Variants in CHD1L observed in about 807,000 individuals in gnomAD.
CHD1L encodes the protein ATP-dependent chromatin remodeler CHD1L.
Under a neutral mutation model 115.9 loss-of-function variants are expected in CHD1L, and 118 were observed. The observed-to-expected ratio is 1.02, with a 90% CI of 0.88 to 1.19. The LOEUF (loss-of-function observed/expected upper bound fraction) is 1.19, where lower values mean the gene tolerates loss of function less well. Ranked by LOEUF, CHD1L falls within the 50% of genes most tolerant of loss-of-function variation. The probability of loss-of-function intolerance (pLI) is 0.00; values close to 1 mark genes in which losing one functional copy is unlikely to be tolerated. For synonymous variants in CHD1L, 411 were observed against 387.1 expected (o/e 1.06, Z -0.72); for missense variants, 1,179 against 1,065.3 (o/e 1.11, Z -1.49).
At chr1:147,173,874 T>C in the CHD1L span, among the ~76,000 whole-genome samples, 7 of 152,374 alleles carry the variant, frequency 4.6e-5, no homozygotes, top group Admixed American at 3.3e-4. Context: ...ATATTCTGCA[T>C]GTACCTTATA....
At chr1:147,256,448 T>G (rs1553940505) in intron 4 of CHD1L, 83 bp from the exon 5 acceptor site, 3 of 1,237,598 alleles carry the variant, frequency 2.4e-6, no homozygotes, top group Non-Finnish European at 1.2e-6. Flanking sequence ...TCCTATAGTT[T>G]AAGAGAGTTC....
the CHD1L span, chr1:147,184,310 C>A: frequency 1.9e-6 from 1 of 530,342 alleles, no homozygotes; most frequent in Non-Finnish European, 2.9e-6. The surrounding 1 kb of genome is among the most constrained non-coding windows in gnomAD (Gnocchi z 4.4). Flanking sequence ...TCATGTACCC[C>A]ACATCCAATT....
chr1:147,215,104 T>A, the CHD1L span: 1 of 152,182 alleles, frequency 6.6e-6, no homozygotes, highest in African/African-American at 2.4e-5. Flanking sequence ...AGAAAAGTCC[T>A]AGAATACTTT....
intron 1 of CHD1L, among the ~76,000 whole-genome samples, chr1:147,245,151 G>A (rs960927426): frequency 6.6e-6 from 1 of 152,170 alleles, no homozygotes; most frequent in African/African-American, 2.4e-5. Context: ...TGACAGAAGG[G>A]CAAAAGAATC....
intron 20 of CHD1L, 103 bp downstream of exon 20, chr1:147,291,655 G>A: frequency 1.2e-6 from 1 of 849,514 alleles, no homozygotes. Flanking sequence ...GTATTAGTTT[G>A]TTAGGGCTGC....
chr1:147,178,654 A>G, the CHD1L span: 1 of 1,578,738 alleles, frequency 6.3e-7, no homozygotes, highest in Non-Finnish European at 8.7e-7. Context: ...CTTGAGGGAT[A>G]ACTACCGATT....
At chr1:147,280,296 C>G in intron 15 of CHD1L, 105 bp downstream of exon 15, 4 of 1,173,714 alleles carry the variant, frequency 3.4e-6, no homozygotes, top group Non-Finnish European at 4.7e-6. Flanking sequence ...TCTTTTTTCT[C>G]CCTTACCCTA....
chr1:147,293,105 C>A (rs1553972023), intron 20 of CHD1L, among the ~76,000 whole-genome samples: 1 of 151,618 alleles, frequency 6.6e-6, no homozygotes, highest in Non-Finnish European at 1.5e-5. Context: ...TGATGTCATC[C>A]CGGAAGCTCC....
chr1:147,175,951 G>T, the CHD1L span: 1 of 113,302 alleles, frequency 8.8e-6, no homozygotes, highest in Non-Finnish European at 1.7e-5. Context: ...CCAGGACTTG[G>T]GGGTGGGGGG....
At chr1:147,278,007 G>A (rs370907917) in intron 14 of CHD1L, among the ~76,000 whole-genome samples, 20 of 152,074 alleles carry the variant, frequency 1.3e-4, no homozygotes, top group Admixed American at 6.6e-4. Flanking sequence ...GGCCACAAAC[G>A]AGTGGGAACA....
At chr1:147,246,597 C>T (rs1553933939) in intron 1 of CHD1L, among the ~76,000 whole-genome samples, 1 of 152,150 alleles carries the variant, frequency 6.6e-6, no homozygotes, top group Non-Finnish European at 1.5e-5. Flanking sequence ...ATTGACTATT[C>T]TAATGTATGT....
At chr1:147,275,787 AAAAAAAAAAG>A (rs1406929179) in intron 13 of CHD1L, among the ~76,000 whole-genome samples, 1 of 151,340 alleles carries the variant, frequency 6.6e-6, no homozygotes, top group African/African-American at 2.4e-5. Context: ...TAAGCTAAAA[AAAAAAAAAAG>A]AAAGATAGAT....
chr1:147,250,008 G>C (rs782627610), intron 1 of CHD1L, among the ~76,000 whole-genome samples: 38 of 152,024 alleles, frequency 2.5e-4, no homozygotes, highest in Non-Finnish European at 4.1e-4. Context: ...CCCATCAACA[G>C]CATCAGTAGC....
the CHD1L span, among the ~76,000 whole-genome samples, chr1:147,233,583 G>A: frequency 5.3e-5 from 8 of 152,280 alleles, no homozygotes; most frequent in South Asian, 4.1e-4. Context: ...CCACCACCCC[G>A]TCTGGGAGGT....
At chr1:147,212,682 T>G in the CHD1L span, 2 of 722,536 alleles carry the variant, frequency 2.8e-6, no homozygotes, top group Admixed American at 5.8e-5. Flanking sequence ...CCTTTCTCAG[T>G]ATTTTTGCCT....
the CHD1L span, chr1:147,203,126 TG>T: frequency 2.0e-6 from 1 of 507,512 alleles, no homozygotes; most frequent in Non-Finnish European, 3.4e-6. Flanking sequence ...TTTTTTTTTT[TG>T]ACAGTAACAA....
the CHD1L span, among the ~76,000 whole-genome samples, chr1:147,219,963 G>A: frequency 2.0e-5 from 3 of 150,854 alleles, no homozygotes. Flanking sequence ...CTCAGCCTCC[G>A]GAGTAACTGG....
At chr1:147,271,155 G>A in intron 11 of CHD1L, 150 bp downstream of exon 11, 1 of 638,692 alleles carries the variant, frequency 1.6e-6, no homozygotes, top group Non-Finnish European at 2.6e-6. Context: ...AAGGCGAGAG[G>A]AGAGTGATGT....
chr1:147,276,342 A>ACCAG, intron 14 of CHD1L, 85 bp downstream of exon 14: 1 of 970,444 alleles, frequency 1.0e-6, no homozygotes, highest in Non-Finnish European at 1.4e-6. Context: ...ACCAGCACTC[A>ACCAG]CCCTCTCCCC....
Sources: gnomAD v4.1 joint callset for allele counts (sites outside exome capture counted in the v4.1 genomes callset) on GRCh38, gnomAD v4.1.1 for gene constraint, Gnocchi (gnomAD v3.1) non-coding constraint, MANE v1.5 for transcripts, NCBI Gene and HGNC (gene_info 2026-07-23, HGNC 2026-07-21) for gene names.